The following ADCK1 variants were observed in gnomAD, a reference collection of about 807,000 sequenced individuals.
ADCK1 encodes the protein aarF domain-containing protein kinase 1.
A neutral mutation model predicts 52.3 loss-of-function variants in ADCK1; 41 were observed. The observed-to-expected ratio is 0.78, with a 90% CI of 0.61 to 1.02. The LOEUF (loss-of-function observed/expected upper bound fraction) is 1.02. Among genes scored for constraint, ADCK1 ranks in the 50% least tolerant of loss-of-function variants. The pLI is 0.00. For missense variants in ADCK1, 658 were observed against 679.5 expected, an observed-to-expected ratio of 0.97 and a Z score of 0.35; for synonymous variants, 250 against 274.6, an observed-to-expected ratio of 0.91 and a Z score of 0.89.
chr14:77,806,438 T>G (rs2081227145), intron 1 of ADCK1, among the ~76,000 whole-genome samples: 1 of 152,170 alleles, frequency 6.6e-6, no homozygotes, highest in African/African-American at 2.4e-5. Context: ...CTCATAATTT[T>G]GTGAAGGTGG....
Position 77,931,653 on chromosome 14 carries a change from C to G in ADCK1, c.1342C>G (p.Arg448Gly), listed in dbSNP as rs961891343. The change falls in exon 10 of 11, where the codon CGC (arginine) becomes GGC (glycine). Residue 448 changes from arginine to glycine, a missense_variant. Arg to Gly is a moderately radical substitution (Grantham distance 125, BLOSUM62 -2). Coordinates refer to ENST00000238561, the MANE Select transcript of ADCK1 (RefSeq NM_020421.4). ...TGGCATTGAGGCCGCCCTGGGCACCCGCGCCAGCGCCAGCTCCTTTCTCAA... is the reference window on the plus strand; with the variant it reads ...TGGCATTGAGGCCGCCCTGGGCACCGGCGCCAGCGCCAGCTCCTTTCTCAA... ...LRGIEAALGT[R>G]ASASSFLNMS... is the part of the protein sequence containing the mutation. 6 of 1,610,604 alleles carry G rather than the reference C, an allele frequency of 3.7e-6. No individual in the cohort carries two copies. The African/African-American group carries it at 8.0e-5, about 21-fold the overall frequency.
intron 3 of ADCK1, among the ~76,000 whole-genome samples, chr14:77,836,773 C>CTTTTTTTT (rs56672313): frequency 2.4e-5 from 1 of 41,772 alleles, no homozygotes; most frequent in Non-Finnish European, 5.2e-5. Flanking sequence ...TTCTTTCTTT[C>CTTTTTTTT]TTTTTTTTTT....
intron 3 of ADCK1, among the ~76,000 whole-genome samples, chr14:77,837,143 C>G (rs2081977706): frequency 8.0e-6 from 1 of 124,818 alleles, no homozygotes; most frequent in Non-Finnish European, 1.7e-5. Context: ...ATGATCTCAT[C>G]TTAAAAATTC....
chr14:77,849,123 C>T (rs949312664), intron 3 of ADCK1, among the ~76,000 whole-genome samples: 9 of 152,162 alleles, frequency 5.9e-5, no homozygotes, highest in Admixed American at 1.3e-4. Flanking sequence ...CCACCGCGCC[C>T]GGCCACAGTG....
intron 3 of ADCK1, among the ~76,000 whole-genome samples, chr14:77,852,359 A>T (rs2082301194): frequency 6.6e-6 from 1 of 152,034 alleles, no homozygotes; most frequent in Non-Finnish European, 1.5e-5. Context: ...TACATCTGCA[A>T]GAACTTTTAT....
At chr14:77,921,183 C>T (rs1334365377) in intron 7 of ADCK1, among the ~76,000 whole-genome samples, 7 of 150,584 alleles carry the variant, frequency 4.6e-5, no homozygotes, top group African/African-American at 1.2e-4. Context: ...AAAAATTAGC[C>T]AGGCGTGGTG....
chr14:77,924,288 TAAACTCAA>T lies in ADCK1; in HGVS notation c.859-167_859-160del, dbSNP rs3217221. 3 of 812,950 alleles carry T rather than the reference TAAACTCAA, an allele frequency of 3.7e-6. No homozygotes were observed. In the South Asian group the frequency reaches 5.7e-5, roughly 15 times the overall value. 50.4% of individuals were successfully genotyped at this position (812,950 alleles called of 1,614,324 possible). On this transcript the variant is annotated intron_variant, in intron 7 of 10. Coordinates refer to ENST00000238561, the MANE Select transcript of ADCK1 (RefSeq NM_020421.4). ...AGGTGCAGCTAAAGTTAAGAAATCT[TAAACTCAA>T]AGAGTATGTCATCTCAAACAATCAC...
intron 9 of ADCK1, among the ~76,000 whole-genome samples, chr14:77,930,131 G>A (rs1344553191): frequency 6.6e-6 from 1 of 152,154 alleles, no homozygotes; most frequent in African/African-American, 2.4e-5. Context: ...CAGTCCGACC[G>A]TGCTGAGAGG....
At chr14:77,829,622 T>G (rs2081797478) in intron 3 of ADCK1, among the ~76,000 whole-genome samples, 1 of 151,456 alleles carries the variant, frequency 6.6e-6, no homozygotes, top group African/African-American at 2.4e-5. Context: ...GATGCTTATA[T>G]CTCCAATTTT....
Position 77,933,529 on chromosome 14 carries a change from T to G in ADCK1, c.*138T>G. 1.0e-6 allele frequency: 1 copy of G among 995,388 alleles called. No homozygotes were observed. The highest frequency in any genetic ancestry group is 1.5e-6 in the Non-Finnish European group (1 of 658,268). The allele number at this position is 995,388 out of a possible 1,614,324, so 61.7% of individuals were successfully genotyped here. ...ACTGTCCATGTCACCATCCTTCTCC[T>G]CCTTTGGAATCCTCTCCGCACACTG... On this transcript the variant is annotated 3_prime_UTR_variant, in exon 11 of 11. Coordinates refer to ENST00000238561, the MANE Select transcript of ADCK1 (RefSeq NM_020421.4).
At chr14:77,828,243 C>T (rs938676625) in intron 3 of ADCK1, among the ~76,000 whole-genome samples, 3 of 152,104 alleles carry the variant, frequency 2.0e-5, no homozygotes, top group Admixed American at 6.6e-5. Context: ...GAATTACAGA[C>T]GTAAGCCACC....
chr14:77,878,615 G>A (rs1231335291), intron 4 of ADCK1, among the ~76,000 whole-genome samples: 1 of 152,206 alleles, frequency 6.6e-6, no homozygotes, highest in Non-Finnish European at 1.5e-5. Context: ...CTGGCTCATT[G>A]CCTCAGTACT....
chr14:77,858,403 AT>A (rs1015726278), intron 3 of ADCK1, among the ~76,000 whole-genome samples: 18 of 148,872 alleles, frequency 1.2e-4, no homozygotes, highest in African/African-American at 2.0e-4. Flanking sequence ...TGCCTGGATA[AT>A]TTTTTTTTTG....
intron 3 of ADCK1, chr14:77,827,837 T>TA (rs1406884345): frequency 4.7e-6 from 2 of 427,042 alleles, no homozygotes; most frequent in Admixed American, 2.8e-5. Context: ...TAAAAGGCTT[T>TA]TTTTTTTTTG....
intron 3 of ADCK1, among the ~76,000 whole-genome samples, chr14:77,849,122 C>G (rs1400249903): frequency 6.6e-6 from 1 of 152,190 alleles, no homozygotes; most frequent in African/African-American, 2.4e-5. Context: ...GCCACCGCGC[C>G]CGGCCACAGT....
chr14:77,810,263 C>T (rs2081312856), intron 1 of ADCK1, among the ~76,000 whole-genome samples: 2 of 151,976 alleles, frequency 1.3e-5, no homozygotes, highest in African/African-American at 4.8e-5. Context: ...TTCAGGGACA[C>T]ACCACCATGC....
At chr14:77,887,669 A>G (rs1013191322) in intron 5 of ADCK1, among the ~76,000 whole-genome samples, 7 of 152,230 alleles carry the variant, frequency 4.6e-5, no homozygotes, top group Non-Finnish European at 7.3e-5. Flanking sequence ...TAAAAATGAC[A>G]TACAGATCAC....
At chr14:77,826,848 G>A (rs1346669113) in intron 3 of ADCK1, among the ~76,000 whole-genome samples, 1 of 152,146 alleles carries the variant, frequency 6.6e-6, no homozygotes, top group Non-Finnish European at 1.5e-5. Flanking sequence ...GGTGATCAGC[G>A]GAGTCTATTC....
In ADCK1 at chr14:77,924,356, C is replaced by T. The variant is rs554443257; in HGVS notation, c.859-101C>T. 1.2e-5 allele frequency: 17 copies of T among 1,477,458 alleles called. 1 individual carries two copies. In the South Asian group the frequency reaches 2.1e-4, roughly 18 times the overall value. The allele number at this position is 1,477,458 out of a possible 1,614,324, so 91.5% of individuals were successfully genotyped here. A position where few individuals can be genotyped will look rare whatever the true frequency, so the allele number is the denominator to read the frequency against. ...AACCGCTCCGGCCCACCGATTTTCT[C>T]TGGCCTCCCCTTAAAAGTGACCACA... On this transcript the variant is annotated intron_variant, in intron 7 of 10. Transcript: ENST00000238561.
Sources: gnomAD v4.1 joint callset for allele counts (sites outside exome capture counted in the v4.1 genomes callset) on GRCh38, gnomAD v4.1.1 for gene constraint, MANE v1.5 for transcripts, NCBI Gene and HGNC (gene_info 2026-07-23, HGNC 2026-07-21) for gene names.